The following RSPO4 variants were observed in gnomAD, a reference collection of about 807,000 sequenced individuals.
RSPO4 encodes the protein R-spondin-4.
A neutral mutation model predicts 24.8 loss-of-function variants in RSPO4; 23 were observed. The observed-to-expected ratio is 0.93, with a 90% confidence interval of 0.67 to 1.31. The LOEUF (loss-of-function observed/expected upper bound fraction) is 1.31, where lower values mean the gene tolerates loss of function less well. Among genes scored for constraint, RSPO4 ranks in the 40% most tolerant of loss-of-function variants. The probability of loss-of-function intolerance (pLI) is 0.00; values close to 1 mark genes in which losing one functional copy is unlikely to be tolerated. For synonymous variants in RSPO4, 141 were observed against 127.4 expected (o/e 1.11, Z -0.72); for missense variants, 333 against 316.5 (o/e 1.05, Z -0.39).
At chr20:968,427 C>G (rs549612414) in intron 1 of RSPO4, among the ~76,000 whole-genome samples, 2 of 152,176 alleles carry the variant, frequency 1.3e-5, no homozygotes, top group African/African-American at 2.4e-5. Flanking sequence ...GGAATGTGAA[C>G]GATGGCTGGA....
intron 1 of RSPO4, among the ~76,000 whole-genome samples, chr20:999,891 C>A (rs1311052104): frequency 6.6e-6 from 1 of 152,024 alleles, no homozygotes; most frequent in Non-Finnish European, 1.5e-5. Context: ...GTTGTTGAGA[C>A]AGAGTCTCAC....
rs6056404 is a variant in RSPO4, at chr20:981,740, G to A, written c.80-13602C>T. On this transcript the variant is annotated intron_variant, in intron 1 of 4. Coordinates refer to ENST00000217260, the MANE Select transcript of RSPO4 (RefSeq NM_001029871.4). The surrounding 1 kb of genome is among the most constrained non-coding windows in gnomAD (Gnocchi z 4.6). ...CAGGGGCAGGTATGTGCCGACACAC[G>A]AGACCCCTGTCTAAAGGATCTGCCT... is the stretch of plus-strand genomic sequence containing the variant. Among the ~76,000 whole-genome samples, 5 of 152,060 alleles carry A rather than the reference G, an allele frequency of 3.3e-5. No individual in the cohort carries two copies. The highest frequency in any genetic ancestry group is 7.2e-5 in the African/African-American group (3 of 41,412).
intron 1 of RSPO4, among the ~76,000 whole-genome samples, chr20:971,120 G>A (rs1446227021): frequency 3.3e-5 from 5 of 152,176 alleles, no homozygotes; most frequent in East Asian, 1.9e-4. Context: ...GGGATTATAG[G>A]CATGAGCCAC....
Position 964,023 on chromosome 20 carries a change from C to T in RSPO4, c.507G>A (p.Glu169=). The T allele has an allele frequency of 6.2e-7, 1 of 1,613,820 alleles. No homozygotes were observed. The highest frequency in any genetic ancestry group is 8.5e-7 in the Non-Finnish European group (1 of 1,180,028). The change falls in exon 4 of 5, where the codon GAG becomes GAA. Residue 169 remains glutamate (E), a synonymous_variant. Coordinates refer to ENST00000217260, the MANE Select transcript of RSPO4 (RefSeq NM_001029871.4). ...CCTCCTCATGCCCAGCCCGGCCAGC[C>T]TCTCGTACCCGGCTCTCCAGGCCCC... is the stretch of plus-strand genomic sequence containing the variant. ...SAWGLESRVR[E]AGRAGHEEAA...
chr20:958,957 C>T lies in RSPO4; in HGVS notation c.*1400G>A, dbSNP rs944117. 2,971 of 152,490 alleles carry T rather than the reference C, an allele frequency of 0.019. 37 individuals carry two copies. Among genetic ancestry groups the T allele is most frequent in the Non-Finnish European group, 0.029 (1,960 of 68,202 alleles). The allele number at this position is 152,490 out of a possible 1,614,324, so 9.4% of individuals were successfully genotyped here. On this transcript the variant is annotated 3_prime_UTR_variant, in exon 5 of 5. Transcript: ENST00000217260. The stretch of plus-strand genomic sequence containing the variant: ...GGTGTTATGATGGCAGAAGGATAGG[C>T]AGTGAGGACAGACTTGCTTCCAAGC...
At chr20:983,135 C>T (rs995429772) in intron 1 of RSPO4, among the ~76,000 whole-genome samples, 1 of 152,226 alleles carries the variant, frequency 6.6e-6, no homozygotes, top group Non-Finnish European at 1.5e-5. Flanking sequence ...GTTCTGCAAA[C>T]GACCTTCTTC....
intron 1 of RSPO4, among the ~76,000 whole-genome samples, chr20:982,148 G>A (rs1038156206): frequency 1.3e-5 from 2 of 152,120 alleles, no homozygotes; most frequent in East Asian, 1.9e-4. Flanking sequence ...AGATGAGTTC[G>A]GGACCGGGGC....
rs556390765 is a variant in RSPO4 at position 977,708 on chromosome 20, A to C, written c.80-9570T>G. On this transcript the variant is annotated intron_variant, in intron 1 of 4. Coordinates refer to ENST00000217260, the MANE Select transcript of RSPO4 (RefSeq NM_001029871.4). ...TGTCATGGTGAACTAAGGATTTAAT[A>C]CAGCTGTCCTGGAGGACTCCCCAGG... is the stretch of plus-strand genomic sequence containing the variant. 1.2e-3 allele frequency among the ~76,000 whole-genome samples: 186 copies of C among 152,250 alleles called. 2 individuals are homozygous for C. Among genetic ancestry groups the C allele is most frequent in the African/African-American group, 4.3e-3 (177 of 41,532 alleles).
intron 1 of RSPO4, among the ~76,000 whole-genome samples, chr20:979,539 T>C (rs909107581): frequency 2.6e-5 from 4 of 152,012 alleles, no homozygotes; most frequent in African/African-American, 9.7e-5. Flanking sequence ...AAGCATAGGC[T>C]ATGACACCCA....
intron 1 of RSPO4, among the ~76,000 whole-genome samples, chr20:980,179 A>G (rs1197338993): frequency 6.6e-6 from 1 of 152,208 alleles, no homozygotes; most frequent in Non-Finnish European, 1.5e-5. Context: ...TCACTTAATA[A>G]GTGGAGCAGA....
intron 1 of RSPO4, among the ~76,000 whole-genome samples, chr20:987,600 A>G (rs1362499390): frequency 6.6e-6 from 1 of 152,144 alleles, no homozygotes; most frequent in Non-Finnish European, 1.5e-5. Context: ...AGCCTGGGCA[A>G]CATAGTGAGA....
At position 967,171 on chromosome 20, in the gene RSPO4, C is replaced by T; in HGVS notation, c.409+3G>A. On this transcript the variant is annotated splice_donor_region_variant and intron_variant, in intron 3 of 4. Coordinates refer to ENST00000217260, the MANE Select transcript of RSPO4 (RefSeq NM_001029871.4). ...GGGGCAGGGCGGGGAGGTCCCCACT[C>T]ACCCTGGCACTCCCGTGTGTTCTGG... 1 of 1,613,256 alleles carries T rather than the reference C, an allele frequency of 6.2e-7. No individual in the cohort carries two copies. Among genetic ancestry groups the T allele is most frequent in the Non-Finnish European group, 8.5e-7 (1 of 1,179,784 alleles).
intron 1 of RSPO4, among the ~76,000 whole-genome samples, chr20:987,061 G>A (rs1379088839): frequency 6.6e-6 from 1 of 152,208 alleles, no homozygotes; most frequent in Non-Finnish European, 1.5e-5. Context: ...TTTACAGGAA[G>A]TGTCCTGAGT....
Position 970,682 on chromosome 20 carries a change from C to G in RSPO4, c.80-2544G>C, listed in dbSNP as rs990183393. Among the ~76,000 whole-genome samples the G allele has an allele frequency of 6.6e-6, 1 of 152,116 alleles. No individual in the cohort carries two copies. Among genetic ancestry groups the G allele is most frequent in the Non-Finnish European group, 1.5e-5 (1 of 68,026 alleles). On this transcript the variant is annotated intron_variant, in intron 1 of 4. Coordinates refer to ENST00000217260, the MANE Select transcript of RSPO4 (RefSeq NM_001029871.4). This position sits in a 1 kb window ranked among gnomAD's most constrained non-coding sequence, Gnocchi z 4.1. ...TTTAGCAGAGTCCGGACTTCTCACT[C>G]AGCAAAAGATTCAGATTCTGATACT... is the stretch of plus-strand genomic sequence containing the variant.
intron 1 of RSPO4, among the ~76,000 whole-genome samples, chr20:985,060 TATCCATCCACCAACCC>T (rs1568924845): frequency 1.4e-5 from 1 of 72,432 alleles, no homozygotes; most frequent in Non-Finnish European, 2.2e-5. Flanking sequence ...CCCACCCATC[TATCCATCCACCAACCC>T]ATCTATCCAT....
Position 1,002,019 on chromosome 20 carries a change from C to G in RSPO4, c.79+67G>C. The G allele has an allele frequency of 7.2e-7, 1 of 1,390,218 alleles. No homozygotes were observed. Among genetic ancestry groups the G allele is most frequent in the Non-Finnish European group, 9.9e-7 (1 of 1,009,610 alleles). The allele number at this position is 1,390,218 out of a possible 1,614,324, so 86.1% of individuals were successfully genotyped here. On this transcript the variant is annotated intron_variant, in intron 1 of 4. Transcript: ENST00000217260. The surrounding 1 kb of genome is among the most constrained non-coding windows in gnomAD (Gnocchi z 4.6). ...CAGATGCCCCCAGAGCCGCCGCCCC[C>G]GGTCCTCCGGCCCCCGGTCTGCCCC...
At chr20:964,848 A>G (rs1403050203) in intron 3 of RSPO4, among the ~76,000 whole-genome samples, 1 of 134,818 alleles carries the variant, frequency 7.4e-6, no homozygotes, top group Non-Finnish European at 1.6e-5. Context: ...ATATATATAT[A>G]CTTTGATTAT....
chr20:991,856 A>G (rs988604434), intron 1 of RSPO4, among the ~76,000 whole-genome samples: 1 of 152,250 alleles, frequency 6.6e-6, no homozygotes, highest in Non-Finnish European at 1.5e-5. Context: ...AAAATAAAAA[A>G]TCAGCTATTT....
chr20:964,199 G>A (rs1346491308), intron 3 of RSPO4, 79 bp from the exon 4 acceptor site: 1 of 1,179,046 alleles, frequency 8.5e-7, no homozygotes, highest in Non-Finnish European at 1.2e-6. Flanking sequence ...CCAAGGGCAG[G>A]GTTTGAGGGG....
Sources: allele counts gnomAD v4.1 joint callset (sites outside exome capture counted in the v4.1 genomes callset), GRCh38; gene constraint gnomAD v4.1.1; non-coding constraint Gnocchi (gnomAD v3.1); transcripts MANE v1.5; gene names NCBI Gene and HGNC (gene_info 2026-07-23, HGNC 2026-07-21).